Variants in SLC5A6 observed in about 807,000 individuals in gnomAD.
The protein encoded by SLC5A6 is solute carrier family 5 member 6.
Under a neutral mutation model 67.9 loss-of-function variants are expected in SLC5A6, and 31 were observed. That is an observed-to-expected ratio of 0.46 (90% CI 0.34 to 0.62). The LOEUF is 0.62. Ranked by LOEUF, SLC5A6 falls within the 20% of genes least tolerant of loss-of-function variation. SLC5A6 has a pLI of 0.01. For synonymous variants in SLC5A6, 343 were observed against 331.0 expected (o/e 1.04, Z -0.39); for missense variants, 673 against 812.8 (o/e 0.83, Z 2.09).
In SLC5A6 at chr2:27,206,511, G is replaced by A. The variant is rs373987315; in HGVS notation, c.483C>T (p.Leu161=). Residue 161 remains leucine (L), a synonymous_variant, in exon 5 of 17, where the codon CTC becomes CTT. Transcript: ENST00000310574. The part of the protein sequence containing the change: ...FQMVIYMGVV[L]YAPSLALNAV... ...CATTGAGAGCCAATGACGGAGCATAGAGCACAACTCCCATGTAGATCACCT... is the reference window on the plus strand; with the variant it reads ...CATTGAGAGCCAATGACGGAGCATAAAGCACAACTCCCATGTAGATCACCT... 1 of 1,614,158 alleles carries A rather than the reference G, an allele frequency of 6.2e-7. No homozygotes were observed. Among genetic ancestry groups the A allele is most frequent in the East Asian group, 2.2e-5 (1 of 44,890 alleles).
At chr2:27,205,078 C>T in intron 7 of SLC5A6, 147 bp from the exon 8 acceptor site, 1 of 900,018 alleles carries the variant, frequency 1.1e-6, no homozygotes, top group Non-Finnish European at 1.7e-6. Context: ...TGGGTGCACT[C>T]GAGAGACAGC....
intron 9 of SLC5A6, 22 bp from the exon 10 acceptor site, chr2:27,203,889 A>G (rs1278401003): frequency 1.3e-6 from 2 of 1,591,250 alleles, no homozygotes; most frequent in African/African-American, 1.3e-5. Context: ...GCGGAGGTAC[A>G]CAGCAGTCCT....
chr2:27,206,689 CA>C (rs1280288969), intron 4 of SLC5A6, among the ~76,000 whole-genome samples, 155 bp from the exon 5 acceptor site: 2 of 152,234 alleles, frequency 1.3e-5, no homozygotes, highest in Admixed American at 1.3e-4. Context: ...GCTGCCACCA[CA>C]GTATCTGTGC....
upstream of SLC5A6, chr2:27,212,580 C>G (rs892282740): frequency 6.8e-7 from 1 of 1,465,020 alleles, no homozygotes; most frequent in East Asian, 2.6e-5. Flanking sequence ...GATTTCGTCC[C>G]TGACGCTTCC....
In SLC5A6 at chr2:27,200,213, T is replaced by TA. The variant is rs1251246603; in HGVS notation, c.*222dup. 1.7e-5 allele frequency: 8 copies of TA among 470,030 alleles called. No homozygotes were observed. The East Asian group carries it at 2.3e-4, about 14-fold the overall frequency. The allele number at this position is 470,030 out of a possible 1,614,324, so 29.1% of individuals were successfully genotyped here. On this transcript the variant is annotated 3_prime_UTR_variant, in exon 17 of 17. Coordinates refer to ENST00000310574, the MANE Select transcript of SLC5A6 (RefSeq NM_021095.4). The stretch of plus-strand genomic sequence containing the variant: ...CCTGCTCCCTACGAGCCTGATCCTT[T>TA]AAAAAACAGATTGGCAAGCGACGAG...
Position 27,200,531 on chromosome 2 carries a change from G to C in SLC5A6, c.1813C>G (p.Leu605Val), listed in dbSNP as rs746733912. 4.9e-5 allele frequency: 79 copies of C among 1,613,938 alleles called. No individual in the cohort carries two copies. The East Asian group carries it at 1.7e-3, about 35-fold the overall frequency. ...LFPEKPRNGV[L>V]GDSRDKEAMA... Reference sequence around the variant, plus strand: ...GCCTCCTTGTCTCTGCTGTCCCCCAGCACACCATTCCTCGGCTTCTCAGGA... The same window carrying C: ...GCCTCCTTGTCTCTGCTGTCCCCCACCACACCATTCCTCGGCTTCTCAGGA... The change falls in exon 17 of 17, where the codon CTG (leucine) becomes GTG (valine). Residue 605 changes from leucine (L) to valine (V), a missense_variant. Physicochemically the swap from Leu to Val is conservative, Grantham distance 32. Coordinates refer to ENST00000310574, the MANE Select transcript of SLC5A6 (RefSeq NM_021095.4).
Position 27,207,294 on chromosome 2 carries a change from G to C in SLC5A6, c.357C>G (p.Pro119=). 2 of 1,613,960 alleles carry C rather than the reference G, an allele frequency of 1.2e-6. No homozygotes were observed. Among genetic ancestry groups the C allele is most frequent in the South Asian group, 2.2e-5 (2 of 91,070 alleles). Residue 119 remains proline (P), a synonymous_variant, in exon 3 of 17, where the codon CCC becomes CCG. Coordinates refer to ENST00000310574, the MANE Select transcript of SLC5A6 (RefSeq NM_021095.4). This position sits in a 1 kb window ranked among gnomAD's most constrained non-coding sequence, Gnocchi z 5.5. The part of the protein sequence containing the change: ...GLLIPAHIFI[P]VFYRLHLTSA... ...TGGTGAGATGCAGGCGGTAGAAAAC[G>C]GGGATGAAGATGTGTGCAGGTATCA...
chr2:27,212,315 GGCGGGGCC>G (rs1027955698), upstream of SLC5A6: 21 of 1,549,600 alleles, frequency 1.4e-5, no homozygotes, highest in Middle Eastern at 3.4e-4. Flanking sequence ...CGCGCTGCGG[GGCGGGGCC>G]GCGGGGCCGG....
At chr2:27,201,262 A>C in intron 15 of SLC5A6, 88 bp downstream of exon 15, 1 of 1,017,862 alleles carries the variant, frequency 9.8e-7, no homozygotes, top group African/African-American at 1.6e-5. Flanking sequence ...CCAAGAGCTC[A>C]GAGGGCAGGA....
chr2:27,204,835 C>T lies in SLC5A6; in HGVS notation c.831G>A (p.Gln277=). Residue 277 remains glutamine (Q), a synonymous_variant, in exon 8 of 17, where the codon CAG becomes CAA. Transcript: ENST00000310574. ...TGCGGGAACTGAGGTACCGCTGCAC[C>T]TGAGCCTGGTTCACCCCGTATAAGG... ...MLSLYGVNQA[Q]VQRYLSSRTE... 1 of 1,614,190 alleles carries T rather than the reference C, an allele frequency of 6.2e-7. No homozygotes were observed. The highest frequency in any genetic ancestry group is 8.5e-7 in the Non-Finnish European group (1 of 1,180,032).
chr2:27,211,165 G>A (rs555273191), intron 2 of SLC5A6, among the ~76,000 whole-genome samples: 4 of 152,306 alleles, frequency 2.6e-5, no homozygotes, highest in Non-Finnish European at 5.9e-5. Context: ...TCTGTCCTGG[G>A]GCCTATAATT....
chr2:27,206,847 A>T, intron 4 of SLC5A6, 30 bp downstream of exon 4: 1 of 1,562,500 alleles, frequency 6.4e-7, no homozygotes, highest in Admixed American at 1.7e-5. Flanking sequence ...AACATGCCCT[A>T]GGCTCGGTTT....
rs1023765546 is a variant in SLC5A6, at chr2:27,201,380, C to A, written c.1618G>T (p.Val540Leu). The A allele has an allele frequency of 2.5e-6, 4 of 1,612,930 alleles. No individual in the cohort carries two copies. Among genetic ancestry groups the A allele is most frequent in the Non-Finnish European group, 3.4e-6 (4 of 1,179,040 alleles). ...AGTAGACTGACAATCAGGCCCACCA[C>A]AATCACTGTGGTGGAGTTGTGAGCA... ...YSAHNSTTVIVVGLIVSLLTG... is the reference protein window; with the variant it reads ...YSAHNSTTVILVGLIVSLLTG... Residue 540 changes from valine to leucine, a missense_variant, in exon 15 of 17, where the codon GTG becomes TTG. Coordinates refer to ENST00000310574, the MANE Select transcript of SLC5A6 (RefSeq NM_021095.4).
At position 27,207,252 on chromosome 2, in the gene SLC5A6, G is replaced by A; in HGVS notation, c.393+6C>T. ...CCACGCACTTCTCCCTTCTGTCCCT[G>A]CTCACCTCATAGGCACTGGTGAGAT... On this transcript the variant is annotated splice_donor_region_variant and intron_variant, in intron 3 of 16. Transcript: ENST00000310574. The surrounding 1 kb of genome is among the most constrained non-coding windows in gnomAD (Gnocchi z 5.5). The A allele has an allele frequency of 6.2e-7, 1 of 1,613,184 alleles. No individual in the cohort carries two copies.
chr2:27,211,215 G>C (rs1487028787), intron 2 of SLC5A6, among the ~76,000 whole-genome samples: 1 of 152,156 alleles, frequency 6.6e-6, no homozygotes, highest in Non-Finnish European at 1.5e-5. Context: ...TCCTTAAAAT[G>C]CTAATAGCTA....
chr2:27,209,528 AAGAG>A (rs1009433742), intron 2 of SLC5A6, among the ~76,000 whole-genome samples: 19 of 152,330 alleles, frequency 1.2e-4, no homozygotes, highest in African/African-American at 4.3e-4. Flanking sequence ...GATACAAAAC[AAGAG>A]AGAGAGAAAC....
In SLC5A6 at chr2:27,206,912, GCA is replaced by G. The variant is rs749980819; in HGVS notation, c.422_423del (p.Val141AlafsTer34). The G allele has an allele frequency of 1.8e-4, 288 of 1,613,526 alleles. No homozygotes were observed. Among genetic ancestry groups the G allele is most frequent in the Non-Finnish European group, 2.4e-4 (281 of 1,179,628 alleles). On this transcript the variant is annotated frameshift_variant, in exon 4 of 17. Coordinates refer to ENST00000310574, the MANE Select transcript of SLC5A6 (RefSeq NM_021095.4). LOFTEE classifies it high-confidence loss of function. ...EYLELRFNKTVRVCGTVTFIF... is the reference protein window; with the variant it reads ...EYLELRFNKTXRVCGTVTFIF... ...ATGAAGGTCACAGTTCCACACACTC[GCA>G]CAGTTTTATTGAATCGAAGCTCCAG...
At chr2:27,212,397 C>T (rs201763328), upstream of SLC5A6, 25 of 1,551,238 alleles carry the variant, frequency 1.6e-5, no homozygotes, top group South Asian at 2.5e-4. Flanking sequence ...GGTAGTCTTA[C>T]GACCCTGGTG....
chr2:27,202,969 C>T, intron 11 of SLC5A6, 89 bp from the exon 12 acceptor site: 1 of 1,573,178 alleles, frequency 6.4e-7, no homozygotes, highest in Non-Finnish European at 8.6e-7. Flanking sequence ...AGCCAAACTA[C>T]CACCTCTGTC....
Sources: gnomAD v4.1 joint callset for allele counts (sites outside exome capture counted in the v4.1 genomes callset) on GRCh38, gnomAD v4.1.1 for gene constraint, Gnocchi (gnomAD v3.1) non-coding constraint, MANE v1.5 for transcripts, NCBI Gene and HGNC (gene_info 2026-07-23, HGNC 2026-07-21) for gene names.